The following FUBP3 variants were observed in gnomAD, a reference collection of about 807,000 sequenced individuals.
The protein encoded by FUBP3 is far upstream element-binding protein 3.
FUBP3 carries 28 observed loss-of-function variants against 85.6 expected under a neutral mutation model. That is an observed-to-expected ratio of 0.33 (90% CI 0.24 to 0.45). The LOEUF (loss-of-function observed/expected upper bound fraction) is 0.45. Ranked by LOEUF, FUBP3 falls within the 20% of genes least tolerant of loss-of-function variation. The pLI is 1.00. For missense variants in FUBP3, 583 were observed against 755.1 expected (o/e 0.77, Z 2.67); for synonymous variants, 271 against 271.4 (o/e 1.00, Z 0.01).
At chr9:130,588,839 A>G (rs1281905455) in intron 1 of FUBP3, among the ~76,000 whole-genome samples, 1 of 152,218 alleles carries the variant, frequency 6.6e-6, no homozygotes, top group Non-Finnish European at 1.5e-5. Context: ...TCTTTGCCAC[A>G]GGGCTACTTC....
rs768094311 is a variant in FUBP3, at chr9:130,612,453, T to C, written c.225-3T>C. On this transcript the variant is annotated splice_region_variant and splice_polypyrimidine_tract_variant and intron_variant, in intron 3 of 18. Coordinates refer to ENST00000319725, the MANE Select transcript of FUBP3 (RefSeq NM_003934.2). This position sits in a 1 kb window ranked among gnomAD's most constrained non-coding sequence, Gnocchi z 4.1. ...TTTTTTCCAAAATGTTCTTTGTTTT[T>C]AGGACGGTAATAACGGAAGAATTCA... is the stretch of plus-strand genomic sequence containing the variant. 2 of 1,588,958 alleles carry C rather than the reference T, an allele frequency of 1.3e-6. No homozygotes were observed. The highest frequency in any genetic ancestry group is 2.2e-5 in the South Asian group (2 of 89,552).
At chr9:130,582,351 C>T (rs1393121852) in intron 1 of FUBP3, among the ~76,000 whole-genome samples, 2 of 151,588 alleles carry the variant, frequency 1.3e-5, no homozygotes, top group African/African-American at 2.4e-5. Context: ...GTTTGGGAGG[C>T]TGAAGCAAGA....
chr9:130,632,470 A>G (rs1830253786), intron 16 of FUBP3, among the ~76,000 whole-genome samples, 192 bp downstream of exon 16: 1 of 152,214 alleles, frequency 6.6e-6, no homozygotes, highest in African/African-American at 2.4e-5. Flanking sequence ...GCTCAGAAAA[A>G]GGCCCCAAGG....
intron 1 of FUBP3, among the ~76,000 whole-genome samples, chr9:130,594,646 C>A (rs1417645650): frequency 6.6e-6 from 1 of 152,042 alleles, no homozygotes; most frequent in Non-Finnish European, 1.5e-5. Context: ...GTAGTCTCAG[C>A]TGCTTGGGAG....
chr9:130,582,154 T>A (rs573760008), intron 1 of FUBP3: 5 of 152,162 alleles, frequency 3.3e-5, no homozygotes, highest in Non-Finnish European at 7.3e-5. Flanking sequence ...TATAGGGTAG[T>A]AGAAATGTGA....
At chr9:130,604,618 C>T (rs886292300) in intron 2 of FUBP3, among the ~76,000 whole-genome samples, 5 of 152,172 alleles carry the variant, frequency 3.3e-5, no homozygotes, top group Non-Finnish European at 7.3e-5. Flanking sequence ...ATACTACTCC[C>T]GGGCCTGGCA....
At chr9:130,591,858 G>A (rs970640645) in intron 1 of FUBP3, among the ~76,000 whole-genome samples, 10 of 152,190 alleles carry the variant, frequency 6.6e-5, no homozygotes, top group African/African-American at 2.4e-4. Flanking sequence ...GGCGGCTTTG[G>A]AGGAAAAAAT....
intron 3 of FUBP3, among the ~76,000 whole-genome samples, chr9:130,611,647 C>CT (rs535398505): frequency 0.11 from 15,146 of 141,342 alleles, 996 homozygotes; most frequent in Middle Eastern, 0.22. Flanking sequence ...AAATGCTTGC[C>CT]TTTTTTTTTT....
At chr9:130,629,786 T>C (rs1209021043) in intron 12 of FUBP3, among the ~76,000 whole-genome samples, 1 of 152,214 alleles carries the variant, frequency 6.6e-6, no homozygotes, top group Non-Finnish European at 1.5e-5. Flanking sequence ...TCTCCACTTT[T>C]CCAAACTGTG....
At chr9:130,589,728 T>A (rs1278848623) in intron 1 of FUBP3, among the ~76,000 whole-genome samples, 7 of 122,888 alleles carry the variant, frequency 5.7e-5, no homozygotes, top group Admixed American at 9.1e-5. Flanking sequence ...TTTTTTTTTT[T>A]AAGAGACAGG....
intron 2 of FUBP3, among the ~76,000 whole-genome samples, chr9:130,605,180 C>G (rs1036139255): frequency 6.6e-6 from 1 of 152,134 alleles, no homozygotes; most frequent in South Asian, 2.1e-4. Flanking sequence ...CTCTTAGGCT[C>G]TTGAGGAGAA....
rs1243571430 is a variant in FUBP3 at position 130,586,404 on chromosome 9, C to CTT, written c.84+6647_84+6648dup. ...CCAGGGCTATTAATTCTCTCTCTCT[C>CTT]TTTTTTTTGTAAATTGAGACAGGAT... On this transcript the variant is annotated intron_variant, in intron 1 of 18. Transcript: ENST00000319725. Among the ~76,000 whole-genome samples, 2 of 151,958 alleles carry CTT rather than the reference C, an allele frequency of 1.3e-5. 1 individual carries two copies. Among genetic ancestry groups the CTT allele is most frequent in the African/African-American group, 4.8e-5 (2 of 41,382 alleles).
chr9:130,618,611 A>G (rs2119087781), intron 8 of FUBP3, among the ~76,000 whole-genome samples: 1 of 152,330 alleles, frequency 6.6e-6, no homozygotes, highest in African/African-American at 2.4e-5. Flanking sequence ...GTCTGTCCTC[A>G]GTGAAACACA....
At chr9:130,579,850 G>A in intron 1 of FUBP3, 86 bp downstream of exon 1, 1 of 827,214 alleles carries the variant, frequency 1.2e-6, no homozygotes. Flanking sequence ...CTGGGGGGCG[G>A]GAGGCAGCCT....
At chr9:130,594,753 G>A (rs985616470) in intron 1 of FUBP3, among the ~76,000 whole-genome samples, 6 of 151,722 alleles carry the variant, frequency 4.0e-5, no homozygotes, top group Admixed American at 1.3e-4. Flanking sequence ...AGTGAGACCC[G>A]TTTGTCACAT....
Position 130,616,547 on chromosome 9 carries a change from G to A in FUBP3, c.567+30G>A, listed in dbSNP as rs774487203. On this transcript the variant is annotated intron_variant, in intron 7 of 18. Coordinates refer to ENST00000319725, the MANE Select transcript of FUBP3 (RefSeq NM_003934.2). The surrounding 1 kb of genome is among the most constrained non-coding windows in gnomAD (Gnocchi z 4.7). The stretch of plus-strand genomic sequence containing the variant: ...GTGAGCCCGGAGCACGGAGCACAGC[G>A]GCCGCTCGCAGCAGGTCTTCAGCTT... The A allele has an allele frequency of 1.6e-5, 25 of 1,609,348 alleles. No homozygotes were observed. Among genetic ancestry groups the A allele is most frequent in the Non-Finnish European group, 1.8e-5 (21 of 1,176,260 alleles).
intron 18 of FUBP3, 61 bp from the exon 19 acceptor site, chr9:130,636,953 C>T (rs956711257): frequency 5.3e-6 from 8 of 1,505,876 alleles, no homozygotes; most frequent in Non-Finnish European, 7.4e-6. Context: ...GGGGAGGTCA[C>T]TGGCACACAG....
At position 130,637,962 on chromosome 9, in the gene FUBP3, G is replaced by A. The variant is rs1215568751; in HGVS notation, c.*940G>A. 1.3e-5 allele frequency: 2 copies of A among 152,090 alleles called. No homozygotes were observed. The highest frequency in any genetic ancestry group is 1.3e-4 in the Admixed American group (2 of 15,240). 9.4% of individuals were successfully genotyped at this position (152,090 alleles called of 1,614,324 possible). A position where few individuals can be genotyped will look rare whatever the true frequency, so the allele number is the denominator to read the frequency against. On this transcript the variant is annotated 3_prime_UTR_variant, in exon 19 of 19. Transcript: ENST00000319725. ...TCTTAATATTTTGTCAGATTAACTA[G>A]ATGAATAAATAAATCTAGTATTAAC...
chr9:130,631,389 C>A, intron 13 of FUBP3, 168 bp from the exon 14 acceptor site: 1 of 1,348,294 alleles, frequency 7.4e-7, no homozygotes, highest in Non-Finnish European at 9.9e-7. Context: ...GAAGCCATTT[C>A]TGCAGCGCAG....
Sources: allele counts gnomAD v4.1 joint callset (sites outside exome capture counted in the v4.1 genomes callset), GRCh38; gene constraint gnomAD v4.1.1; non-coding constraint Gnocchi (gnomAD v3.1); transcripts MANE v1.5; gene names NCBI Gene and HGNC (gene_info 2026-07-23, HGNC 2026-07-21).